The following DLG2 variants were observed in gnomAD, a reference collection of about 807,000 sequenced individuals.
DLG2 encodes the protein discs large MAGUK scaffold protein 2, also known as disks large homolog 2.
A neutral mutation model predicts 132.5 loss-of-function variants in DLG2; 45 were observed. The observed-to-expected ratio is 0.34, with a 90% confidence interval of 0.27 to 0.44. The LOEUF (loss-of-function observed/expected upper bound fraction) is 0.44. DLG2 is among the 20% of genes least tolerant of loss of function. DLG2 has a pLI of 1.00. For missense variants in DLG2, 1,045 were observed against 1,196.9 expected (o/e 0.87, Z 1.87); for synonymous variants, 424 against 419.6 (o/e 1.01, Z -0.13).
chr11:84,575,919 C>T (rs1452381088), intron 6 of DLG2, among the ~76,000 whole-genome samples: 1 of 152,174 alleles, frequency 6.6e-6, no homozygotes, highest in African/African-American at 2.4e-5. Context: ...CATCCCAGTG[C>T]TCAAGCTTCA....
At chr11:85,087,593 C>T (rs1307773194) in intron 6 of DLG2, among the ~76,000 whole-genome samples, 1 of 151,544 alleles carries the variant, frequency 6.6e-6, no homozygotes, top group East Asian at 1.9e-4. Context: ...AATCCCAGCA[C>T]TTTGGGAGGC....
intron 15 of DLG2, among the ~76,000 whole-genome samples, chr11:83,924,651 G>A (rs2078616489): frequency 6.6e-6 from 1 of 152,094 alleles, no homozygotes; most frequent in Middle Eastern, 3.2e-3. Flanking sequence ...TTTTATAACA[G>A]TTCTTTAATA....
intron 6 of DLG2, among the ~76,000 whole-genome samples, chr11:84,845,968 C>G (rs2081416928): frequency 6.6e-6 from 1 of 152,034 alleles, no homozygotes; most frequent in African/African-American, 2.4e-5. Context: ...CTGCACCAGG[C>G]CTGATATTTA....
At chr11:83,920,723 A>T (rs1027806001) in intron 15 of DLG2, among the ~76,000 whole-genome samples, 2 of 152,136 alleles carry the variant, frequency 1.3e-5, no homozygotes, top group African/African-American at 4.8e-5. Context: ...ACCCCATGAG[A>T]TTGATACTAC....
chr11:85,609,527 T>C (rs2080839683), intron 2 of DLG2, among the ~76,000 whole-genome samples: 1 of 152,178 alleles, frequency 6.6e-6, no homozygotes, highest in African/African-American at 2.4e-5. Context: ...CAGTGTGGTT[T>C]ACAAGGACAC....
chr11:84,394,587 C>T (rs542504519), intron 7 of DLG2, among the ~76,000 whole-genome samples: 9 of 152,008 alleles, frequency 5.9e-5, no homozygotes, highest in Middle Eastern at 3.4e-3. Flanking sequence ...TCTGTATTTG[C>T]GCATTTTATC....
chr11:85,517,852 G>A (rs796777362), intron 3 of DLG2, among the ~76,000 whole-genome samples: 2 of 152,264 alleles, frequency 1.3e-5, no homozygotes, highest in African/African-American at 4.8e-5. Flanking sequence ...CTGAATCATG[G>A]AGGCAGGTCT....
intron 3 of DLG2, among the ~76,000 whole-genome samples, chr11:85,491,733 T>G (rs2093564316): frequency 6.6e-6 from 1 of 152,032 alleles, no homozygotes; most frequent in African/African-American, 2.4e-5. Flanking sequence ...AAACACTGGT[T>G]AAAGAAATAA....
chr11:85,229,862 C>T (rs2075197444), intron 4 of DLG2, among the ~76,000 whole-genome samples: 1 of 152,020 alleles, frequency 6.6e-6, no homozygotes, highest in Non-Finnish European at 1.5e-5. Flanking sequence ...AGCTGGAAAC[C>T]AGCATTCTCA....
intron 4 of DLG2, among the ~76,000 whole-genome samples, chr11:85,215,868 G>C (rs866838949): frequency 2.2e-4 from 34 of 152,112 alleles, no homozygotes; most frequent in Admixed American, 1.6e-3. Context: ...ATGAACCTAA[G>C]GAAGTAGAGA....
chr11:83,989,594 G>T (rs911580244), intron 11 of DLG2, among the ~76,000 whole-genome samples: 1 of 152,088 alleles, frequency 6.6e-6, no homozygotes, highest in African/African-American at 2.4e-5. Context: ...GGTGAAGTTA[G>T]AACTGATAAA....
chr11:83,723,927 T>C (rs977007448), intron 18 of DLG2, among the ~76,000 whole-genome samples: 6 of 152,150 alleles, frequency 3.9e-5, no homozygotes, highest in Non-Finnish European at 7.3e-5. Flanking sequence ...ACTACTACCA[T>C]TATCATTTTA....
chr11:84,409,927 T>C (rs934979118), intron 7 of DLG2, among the ~76,000 whole-genome samples: 2 of 152,206 alleles, frequency 1.3e-5, no homozygotes, highest in Admixed American at 1.3e-4. Flanking sequence ...CCCTTCTTGA[T>C]ATGGAGATTA....
intron 6 of DLG2, among the ~76,000 whole-genome samples, chr11:84,638,782 T>C (rs1398745247): frequency 1.3e-5 from 2 of 152,170 alleles, no homozygotes; most frequent in Admixed American, 6.5e-5. Context: ...TTTGATTTCA[T>C]ATTTGTGTGT....
At chr11:83,652,280 G>A (rs1357093879) in intron 18 of DLG2, among the ~76,000 whole-genome samples, 1 of 152,126 alleles carries the variant, frequency 6.6e-6, no homozygotes, top group Non-Finnish European at 1.5e-5. Flanking sequence ...TGAAAAGGGG[G>A]AGAGGAACAA....
intron 8 of DLG2, among the ~76,000 whole-genome samples, chr11:84,206,708 C>T (rs1053633977): frequency 4.6e-5 from 7 of 152,064 alleles, no homozygotes; most frequent in African/African-American, 1.7e-4. Flanking sequence ...TGTGATAATG[C>T]TTCCATTACT....
intron 6 of DLG2, among the ~76,000 whole-genome samples, chr11:84,597,218 T>A (rs1415438606): frequency 6.6e-6 from 1 of 151,332 alleles, no homozygotes; most frequent in Non-Finnish European, 1.5e-5. Flanking sequence ...AGACTCTGTC[T>A]CAAAAAAAGA....
At chr11:84,873,407 A>G (rs1471557121) in intron 6 of DLG2, among the ~76,000 whole-genome samples, 2 of 152,160 alleles carry the variant, frequency 1.3e-5, no homozygotes, top group African/African-American at 4.8e-5. Flanking sequence ...TACCTGTAAG[A>G]CTCATTTTTG....
chr11:84,433,622 T>C (rs937050498), intron 7 of DLG2, among the ~76,000 whole-genome samples: 2 of 152,218 alleles, frequency 1.3e-5, no homozygotes, highest in Non-Finnish European at 2.9e-5. Context: ...ACAAAGAATC[T>C]CTTATGTAGC....
Sources: gnomAD v4.1 joint callset for allele counts (sites outside exome capture counted in the v4.1 genomes callset) on GRCh38, gnomAD v4.1.1 for gene constraint, MANE v1.5 for transcripts, NCBI Gene and HGNC (gene_info 2026-07-23, HGNC 2026-07-21) for gene names.